CENPU: variants seen among roughly 807,000 people sequenced by gnomAD.
CENPU encodes the protein centromere protein U, also known as KSHV latent nuclear antigen interacting protein 1.
CENPU carries 46 observed loss-of-function variants against 56.7 expected under a neutral mutation model. The ratio of observed to expected loss-of-function variants is 0.81; its 90% confidence interval spans 0.64 to 1.04. The LOEUF (loss-of-function observed/expected upper bound fraction) is 1.04, where lower values mean the gene tolerates loss of function less well. CENPU is among the 50% of genes least tolerant of loss of function. The probability of loss-of-function intolerance (pLI) is 0.00; values close to 1 mark genes in which losing one functional copy is unlikely to be tolerated. For synonymous variants in CENPU, 166 were observed against 163.0 expected, an observed-to-expected ratio of 1.02 and a Z score of -0.14; for missense variants, 510 against 490.1, an observed-to-expected ratio of 1.04 and a Z score of -0.38.
Position 184,694,648 on chromosome 4 carries a change from G to C in CENPU, c.*640C>G, listed in dbSNP as rs1241871517. 2 of 1,614,066 alleles carry C rather than the reference G, an allele frequency of 1.2e-6. No homozygotes were observed. Among genetic ancestry groups the C allele is most frequent in the Non-Finnish European group, 1.7e-6 (2 of 1,180,034 alleles). ...TGATGCTGTCTGGGATAATGGCATT[G>C]ATGATGCTTATTTTTTAGAAGCTAC... On this transcript the variant is annotated 3_prime_UTR_variant, in exon 13 of 13. Transcript: ENST00000281453.
chr4:184,731,138 T>TA (rs1374191850), intron 1 of CENPU, among the ~76,000 whole-genome samples, 170 bp from the exon 2 acceptor site: 4 of 151,980 alleles, frequency 2.6e-5, no homozygotes, highest in Non-Finnish European at 4.4e-5. Flanking sequence ...TAAAATAACA[T>TA]ACCTCTCCCC....
At position 184,697,681 on chromosome 4, in the gene CENPU, T is replaced by C; in HGVS notation, c.1109A>G (p.Asp370Gly). 6.2e-7 allele frequency: 1 copy of C among 1,612,872 alleles called. No individual in the cohort carries two copies. Among genetic ancestry groups the C allele is most frequent in the Non-Finnish European group, 8.5e-7 (1 of 1,179,674 alleles). ...NLKQLYQDYS[D>G]VQAQEPNVKE... ...TACGTTTGGTTCTTGAGCTTGAACA[T>C]CTGAATAATCTTGATAAAGCTGTTT... The change falls in exon 12 of 13, where the codon GAT becomes GGT. Residue 370 changes from aspartate to glycine, a missense_variant. Asp to Gly is a moderately conservative substitution (Grantham distance 94). Transcript: ENST00000281453.
Position 184,725,057 on chromosome 4 carries a change from G to T in CENPU, c.220C>A (p.Pro74Thr). The T allele has an allele frequency of 6.3e-7, 1 of 1,599,536 alleles. No homozygotes were observed. Among genetic ancestry groups the T allele is most frequent in the Non-Finnish European group, 8.5e-7 (1 of 1,172,954 alleles). Residue 74 changes from proline to threonine, a missense_variant, in exon 4 of 13, where the codon CCT (proline) becomes ACT (threonine). Pro to Thr is a conservative substitution (Grantham distance 38). Transcript: ENST00000281453. ...DEETYETFDP[P>T]LHSTAIYADE... The stretch of plus-strand genomic sequence containing the variant: ...GCATATATAGCTGTGCTATGTAAAG[G>T]AGGATCTTTCAAAAGACAAAAAAGA...
chr4:184,733,397 C>G, intron 1 of CENPU: 1 of 992,354 alleles, frequency 1.0e-6, no homozygotes, highest in Non-Finnish European at 1.2e-6. Context: ...AAGCCGAGAC[C>G]CTTCCCGCCA....
At chr4:184,733,194 T>C (rs182696537) in intron 1 of CENPU, 2 of 308,224 alleles carry the variant, frequency 6.5e-6, no homozygotes, top group Admixed American at 6.5e-5. Context: ...ACTGGGGGAG[T>C]CTTCATTCTC....
intron 6 of CENPU, among the ~76,000 whole-genome samples, chr4:184,713,290 C>G (rs948184498): frequency 1.3e-5 from 2 of 152,140 alleles, no homozygotes; most frequent in African/African-American, 4.8e-5. Context: ...ACTGGGGAGG[C>G]TGAGGCAGGA....
chr4:184,711,058 T>C (rs764835573), intron 7 of CENPU, among the ~76,000 whole-genome samples: 58 of 152,196 alleles, frequency 3.8e-4, no homozygotes, highest in Non-Finnish European at 6.6e-4. Context: ...GGTCCCACTA[T>C]GTTGCCCAGG....
At chr4:184,709,067 A>G (rs1760831714) in intron 8 of CENPU, among the ~76,000 whole-genome samples, 1 of 152,248 alleles carries the variant, frequency 6.6e-6, no homozygotes, top group African/African-American at 2.4e-5. Flanking sequence ...AGATATATCG[A>G]TATTACAATA....
At chr4:184,701,603 G>GCTT (rs1760536875) in intron 10 of CENPU, among the ~76,000 whole-genome samples, 2 of 152,066 alleles carry the variant, frequency 1.3e-5, no homozygotes, top group Non-Finnish European at 2.9e-5. Context: ...GCTTATAGGT[G>GCTT]GTATAGCAAT....
chr4:184,711,325 G>A (rs917857360), intron 7 of CENPU, among the ~76,000 whole-genome samples: 5 of 151,972 alleles, frequency 3.3e-5, no homozygotes, highest in South Asian at 2.1e-4. Context: ...TTATGGGTAT[G>A]GTGTGATGTT....
At chr4:184,720,206 C>T (rs1330055542) in intron 4 of CENPU, among the ~76,000 whole-genome samples, 1 of 151,976 alleles carries the variant, frequency 6.6e-6, no homozygotes, top group Non-Finnish European at 1.5e-5. Context: ...ATAAATCAAG[C>T]AGCAATTCAG....
intron 7 of CENPU, chr4:184,710,487 T>C (rs1479571832): frequency 9.7e-6 from 2 of 207,132 alleles, no homozygotes; most frequent in African/African-American, 4.6e-5. Context: ...TTAACATTAC[T>C]GGGGATAAGC....
intron 8 of CENPU, among the ~76,000 whole-genome samples, chr4:184,703,953 T>A (rs1190978998): frequency 6.7e-6 from 1 of 149,172 alleles, no homozygotes; most frequent in African/African-American, 2.5e-5. Context: ...TGCACATACT[T>A]GTGGTGATGC....
intron 1 of CENPU, among the ~76,000 whole-genome samples, chr4:184,731,883 CTGTGTGTG>C (rs59083873): frequency 2.4e-4 from 35 of 146,752 alleles, no homozygotes; most frequent in South Asian, 6.7e-4. Context: ...CTCATGTGCT[CTGTGTGTG>C]TGTGTGTGTG....
At chr4:184,723,412 A>G (rs1456045327) in intron 4 of CENPU, among the ~76,000 whole-genome samples, 1 of 152,232 alleles carries the variant, frequency 6.6e-6, no homozygotes, top group Admixed American at 6.5e-5. Context: ...AAGACTTACT[A>G]TACACCTTTT....
At chr4:184,708,377 C>T (rs1293338871) in intron 8 of CENPU, among the ~76,000 whole-genome samples, 1 of 150,460 alleles carries the variant, frequency 6.6e-6, no homozygotes, top group Non-Finnish European at 1.5e-5. Context: ...GTGAATGAAG[C>T]AAAGGATAAG....
At chr4:184,710,017 TG>T in intron 8 of CENPU, 54 bp downstream of exon 8, 2 of 908,568 alleles carry the variant, frequency 2.2e-6, no homozygotes, top group Non-Finnish European at 3.4e-6. Context: ...TGAGCAAAAA[TG>T]GTGCTTCAGG....
intron 8 of CENPU, among the ~76,000 whole-genome samples, chr4:184,708,763 TAA>T (rs1055596440): frequency 2.6e-5 from 4 of 152,134 alleles, no homozygotes; most frequent in East Asian, 1.9e-4. Flanking sequence ...TTTTGCAACA[TAA>T]AGAGTCACAC....
In CENPU at chr4:184,700,880, A is replaced by G. The variant is rs749120640; in HGVS notation, c.926T>C (p.Met309Thr). The G allele has an allele frequency of 1.2e-6, 2 of 1,610,960 alleles. No homozygotes were observed. The highest frequency in any genetic ancestry group is 1.7e-6 in the Non-Finnish European group (2 of 1,177,186). ...CCTTTTCTTTTCGATATCTGAAATC[A>G]TCTAAGTAACACAATCATTTGTGTT... ...LTNLKRKNAK[M>T]ISDIEKKRQR... Residue 309 changes from methionine (M) to threonine (T), a missense_variant and splice_region_variant, in exon 11 of 13, where the codon ATG becomes ACG. Coordinates refer to ENST00000281453, the MANE Select transcript of CENPU (RefSeq NM_024629.4).
Sources: allele counts gnomAD v4.1 joint callset (sites outside exome capture counted in the v4.1 genomes callset), GRCh38; gene constraint gnomAD v4.1.1; transcripts MANE v1.5; gene names NCBI Gene and HGNC (gene_info 2026-07-23, HGNC 2026-07-21).